FCHO2: variants seen among roughly 807,000 people sequenced by gnomAD.
The protein encoded by FCHO2 is F-BAR domain only protein 2.
Under a neutral mutation model 114.1 loss-of-function variants are expected in FCHO2, and 43 were observed. The observed-to-expected ratio is 0.38, with a 90% CI of 0.30 to 0.49. The LOEUF (loss-of-function observed/expected upper bound fraction) is 0.49, where lower values mean the gene tolerates loss of function less well. Among genes scored for constraint, FCHO2 ranks in the 20% least tolerant of loss-of-function variants. FCHO2 has a pLI of 0.97. For synonymous variants in FCHO2, 293 were observed against 315.2 expected, an observed-to-expected ratio of 0.93 and a Z score of 0.75; for missense variants, 807 against 950.4, an observed-to-expected ratio of 0.85 and a Z score of 1.98.
intron 8 of FCHO2, chr5:73,021,332 G>A: frequency 2.5e-6 from 1 of 404,962 alleles, no homozygotes; most frequent in Non-Finnish European, 4.7e-6. Context: ...ATGGCGACAG[G>A]AGGGAAGGAG....
At chr5:72,964,787 C>T (rs975967873) in intron 1 of FCHO2, among the ~76,000 whole-genome samples, 11 of 152,278 alleles carry the variant, frequency 7.2e-5, no homozygotes, top group Middle Eastern at 3.4e-3. Flanking sequence ...TGTCAATGTA[C>T]GGTTGTCTCC....
chr5:73,053,969 G>T (rs1757462853), intron 13 of FCHO2, among the ~76,000 whole-genome samples, 191 bp from the exon 14 acceptor site: 1 of 151,982 alleles, frequency 6.6e-6, no homozygotes, highest in Non-Finnish European at 1.5e-5. Flanking sequence ...GTTAATATTG[G>T]ATAAGAAAAG....
chr5:72,996,000 T>C (rs1272448038), intron 5 of FCHO2, among the ~76,000 whole-genome samples: 2 of 152,064 alleles, frequency 1.3e-5, no homozygotes, highest in African/African-American at 2.4e-5. Context: ...CCCAGCACTT[T>C]GGGAGGCCAC....
intron 2 of FCHO2, among the ~76,000 whole-genome samples, chr5:72,979,774 T>C (rs1448458127): frequency 2.0e-5 from 3 of 152,232 alleles, no homozygotes; most frequent in African/African-American, 7.2e-5. Context: ...TGTAATTCTA[T>C]TGGATCAGTG....
intron 2 of FCHO2, among the ~76,000 whole-genome samples, chr5:72,969,482 C>T (rs1042708508): frequency 1.3e-5 from 2 of 152,236 alleles, no homozygotes; most frequent in Non-Finnish European, 2.9e-5. Flanking sequence ...GGGTAAGGCT[C>T]TCCTTCCTCC....
At chr5:72,967,290 A>AAAAC (rs1352628031) in intron 1 of FCHO2, among the ~76,000 whole-genome samples, 1 of 152,216 alleles carries the variant, frequency 6.6e-6, no homozygotes. Context: ...CTCAAAAACA[A>AAAAC]AAACAAACAA....
intron 8 of FCHO2, chr5:73,021,224 T>A (rs1755608744): frequency 2.8e-6 from 2 of 714,566 alleles, no homozygotes; most frequent in Non-Finnish European, 5.3e-6. Flanking sequence ...AAAACTGATC[T>A]TCTTTATCTC....
intron 24 of FCHO2, among the ~76,000 whole-genome samples, chr5:73,083,870 G>C (rs1382873189): frequency 6.8e-6 from 1 of 146,162 alleles, no homozygotes; most frequent in African/African-American, 2.6e-5. Context: ...TCCAGCCTGG[G>C]TGACAGAGTG....
chr5:73,024,998 A>G (rs912602673), intron 8 of FCHO2, among the ~76,000 whole-genome samples: 1 of 152,172 alleles, frequency 6.6e-6, no homozygotes, highest in South Asian at 2.1e-4. Context: ...AGGGAAGCCA[A>G]GAACGGTGAT....
At chr5:73,025,361 A>G (rs1377609646) in intron 8 of FCHO2, among the ~76,000 whole-genome samples, 1 of 134,386 alleles carries the variant, frequency 7.4e-6, no homozygotes, top group Non-Finnish European at 1.6e-5. Flanking sequence ...GGGGCCCACC[A>G]CCACACCCAG....
At chr5:73,053,567 C>T (rs1056834008) in intron 13 of FCHO2, among the ~76,000 whole-genome samples, 4 of 151,988 alleles carry the variant, frequency 2.6e-5, no homozygotes, top group Non-Finnish European at 4.4e-5. Flanking sequence ...TGGTGGCATG[C>T]GCCTTTGGTC....
intron 20 of FCHO2, 63 bp downstream of exon 20, chr5:73,074,916 G>T: frequency 3.1e-6 from 4 of 1,284,806 alleles, no homozygotes; most frequent in South Asian, 1.5e-5. Context: ...GAGGTGGTGG[G>T]GCTTGGTGGT....
chr5:73,004,190 T>G (rs904033149), intron 5 of FCHO2, among the ~76,000 whole-genome samples: 1 of 152,098 alleles, frequency 6.6e-6, no homozygotes, highest in Non-Finnish European at 1.5e-5. Flanking sequence ...AAACCCGGAT[T>G]AAGCATGCCA....
chr5:73,076,442 T>C (rs1742912676), intron 20 of FCHO2, among the ~76,000 whole-genome samples: 2 of 152,194 alleles, frequency 1.3e-5, no homozygotes, highest in Admixed American at 1.3e-4. Flanking sequence ...TTTTGTGTTT[T>C]TTAAAAGATG....
rs142672586 is a variant in FCHO2 at position 73,082,050 on chromosome 5, A to G, written c.2180+68A>G. 1.4e-3 allele frequency: 1,871 copies of G among 1,321,032 alleles called. 20 individuals carry two copies. In the African/African-American group the frequency reaches 0.026, roughly 19 times the overall value. 81.8% of individuals were successfully genotyped at this position (1,321,032 alleles called of 1,614,324 possible). A position where few individuals can be genotyped will look rare whatever the true frequency, so the allele number is the denominator to read the frequency against. ...TGCAATCCCCAACTTCTAGAACCCA[A>G]GTTCTGTAAGTTTTCTTAGAAGTTT... is the stretch of plus-strand genomic sequence containing the variant. On this transcript the variant is annotated intron_variant, in intron 23 of 25. Transcript: ENST00000430046.
At chr5:73,047,508 A>C (rs1039595145) in intron 11 of FCHO2, among the ~76,000 whole-genome samples, 3 of 151,914 alleles carry the variant, frequency 2.0e-5, no homozygotes, top group Non-Finnish European at 4.4e-5. Context: ...GCTTTTTAAA[A>C]ATTAGCAGTA....
At chr5:72,973,500 G>A (rs1752683402) in intron 2 of FCHO2, among the ~76,000 whole-genome samples, 2 of 152,132 alleles carry the variant, frequency 1.3e-5, no homozygotes, top group Non-Finnish European at 2.9e-5. Flanking sequence ...AGAGGTGTTG[G>A]TAGTATTCTC....
At chr5:73,006,625 AT>A in intron 6 of FCHO2, 76 bp downstream of exon 6, 3 of 999,732 alleles carry the variant, frequency 3.0e-6, no homozygotes, top group Non-Finnish European at 4.1e-6. Flanking sequence ...CTCTCATATA[AT>A]TTTTTAGTGT....
At chr5:72,976,443 A>G (rs868389435) in intron 2 of FCHO2, among the ~76,000 whole-genome samples, 1 of 151,996 alleles carries the variant, frequency 6.6e-6, no homozygotes, top group African/African-American at 2.4e-5. Context: ...TCCTGGTCTC[A>G]AGCAGTCCTC....
Sources: gnomAD v4.1 joint callset for allele counts (sites outside exome capture counted in the v4.1 genomes callset) on GRCh38, gnomAD v4.1.1 for gene constraint, MANE v1.5 for transcripts, NCBI Gene and HGNC (gene_info 2026-07-23, HGNC 2026-07-21) for gene names.